Variants in KLHL14 observed in about 807,000 individuals in gnomAD.
KLHL14 encodes the protein kelch-like protein 14.
KLHL14 carries 22 observed loss-of-function variants against 64.3 expected under a neutral mutation model. The observed-to-expected ratio is 0.34, with a 90% CI of 0.24 to 0.49. The LOEUF is 0.49. Among genes scored for constraint, KLHL14 ranks in the 20% least tolerant of loss-of-function variants. KLHL14 has a pLI of 0.99. For missense variants in KLHL14, 661 were observed against 789.0 expected (o/e 0.84, Z 1.94); for synonymous variants, 322 against 333.4 (o/e 0.97, Z 0.37).
At chr18:32,735,552 C>T (rs971682227) in intron 3 of KLHL14, among the ~76,000 whole-genome samples, 2 of 152,086 alleles carry the variant, frequency 1.3e-5, no homozygotes, top group African/African-American at 4.8e-5. Context: ...GCAATCTTAT[C>T]TCACATCTTC....
rs776921458 is a variant in KLHL14 at position 32,687,227 on chromosome 18, T to G, written c.1166A>C (p.His389Pro). ...ATATCGGCTGACAAAATTTGTACTG[T>G]GTTTTCCTGTAAAAATGCATTCGAG... ...GEDQWNPNGK[H>P]STNFVSRYDP... The change falls in exon 5 of 9, where the codon CAC becomes CCC. Residue 389 changes from histidine to proline, a missense_variant. Coordinates refer to ENST00000359358, the MANE Select transcript of KLHL14 (RefSeq NM_020805.3). 6.2e-7 allele frequency: 1 copy of G among 1,612,940 alleles called. No homozygotes were observed. The highest frequency in any genetic ancestry group is 1.1e-5 in the South Asian group (1 of 91,048).
chr18:32,714,267 G>A (rs998198176), intron 3 of KLHL14, among the ~76,000 whole-genome samples: 18 of 152,152 alleles, frequency 1.2e-4, no homozygotes, highest in African/African-American at 4.3e-4. Flanking sequence ...AACTCCTTGT[G>A]TGTTAGCTCC....
At chr18:32,701,717 G>T (rs2049967075) in intron 3 of KLHL14, among the ~76,000 whole-genome samples, 2 of 152,178 alleles carry the variant, frequency 1.3e-5, no homozygotes, top group South Asian at 4.1e-4. Context: ...ATCAGGCAGA[G>T]GTTCCTTCTG....
chr18:32,755,265 C>A (rs1297090292), intron 2 of KLHL14, among the ~76,000 whole-genome samples: 2 of 152,120 alleles, frequency 1.3e-5, no homozygotes, highest in African/African-American at 4.8e-5. Flanking sequence ...TAAGACCCAC[C>A]CAATCAGCTA....
At chr18:32,750,373 G>A (rs1028300310) in intron 2 of KLHL14, among the ~76,000 whole-genome samples, 4 of 152,004 alleles carry the variant, frequency 2.6e-5, no homozygotes, top group Non-Finnish European at 4.4e-5. Flanking sequence ...AAGTGATAGC[G>A]ATTATTATTA....
chr18:32,729,688 A>T (rs2050127222), intron 3 of KLHL14, among the ~76,000 whole-genome samples: 1 of 152,224 alleles, frequency 6.6e-6, no homozygotes, highest in Non-Finnish European at 1.5e-5. Flanking sequence ...GAAATATGTC[A>T]TTGTCATAAT....
At chr18:32,767,702 G>GACCC (rs1302132960) in intron 2 of KLHL14, among the ~76,000 whole-genome samples, 3 of 152,194 alleles carry the variant, frequency 2.0e-5, no homozygotes, top group Non-Finnish European at 4.4e-5. Flanking sequence ...TTTGCATTTT[G>GACCC]AAAGTCAACT....
chr18:32,715,842 C>T (rs184240467), intron 3 of KLHL14, among the ~76,000 whole-genome samples: 36 of 152,254 alleles, frequency 2.4e-4, no homozygotes, highest in Admixed American at 1.0e-3. Context: ...TCTGTATAAT[C>T]ATCCTTTGTG....
At chr18:32,719,897 G>T (rs554865268) in intron 3 of KLHL14, among the ~76,000 whole-genome samples, 2 of 152,188 alleles carry the variant, frequency 1.3e-5, no homozygotes, top group Non-Finnish European at 2.9e-5. Context: ...TGCTCCCTTC[G>T]CAGCCTGTAC....
chr18:32,769,611 C>G (rs1331004781), intron 2 of KLHL14, 34 bp downstream of exon 2: 1 of 1,121,152 alleles, frequency 8.9e-7, no homozygotes, highest in East Asian at 2.7e-5. Flanking sequence ...GCTCTACCCC[C>G]CCCTCCCCCG....
chr18:32,680,193 C>T lies in KLHL14; in HGVS notation c.1564G>A (p.Ala522Thr). The change falls in exon 7 of 9, where the codon GCA becomes ACA. Residue 522 changes from alanine to threonine, a missense_variant. Around this residue, in one of 2 missense-constraint regions of KLHL14, gnomAD observed 330 missense variants for 450.0 expected, o/e 0.73. Coordinates refer to ENST00000359358, the MANE Select transcript of KLHL14 (RefSeq NM_020805.3). The surrounding 1 kb of genome is among the most constrained non-coding windows in gnomAD (Gnocchi z 4.8). Reference protein sequence around the residue: ...TLAVMNDRLYAIGGNHLKGFS... With the variant: ...TLAVMNDRLYTIGGNHLKGFS... ...CCTTTCAAATGATTTCCTCCAATTGCATACAAGCGATCATTCATTACAGCC... is the reference window on the plus strand; with the variant it reads ...CCTTTCAAATGATTTCCTCCAATTGTATACAAGCGATCATTCATTACAGCC... 4 of 1,613,660 alleles carry T rather than the reference C, an allele frequency of 2.5e-6. No individual in the cohort carries two copies. Among genetic ancestry groups the T allele is most frequent in the Non-Finnish European group, 3.4e-6 (4 of 1,179,760 alleles).
rs766661469 is a variant in KLHL14 at position 32,680,499 on chromosome 18, C to G, written c.1339G>C (p.Glu447Gln). ...GACACATAGCGCCATTCATTCGTTTCTAGGTTATAGCACTCCACGCTGGAC... is the reference window on the plus strand; with the variant it reads ...GACACATAGCGCCATTCATTCGTTTGTAGGTTATAGCACTCCACGCTGGAC... ...YLSSVECYNL[E>Q]TNEWRYVSSL... is the part of the protein sequence containing the mutation. The change falls in exon 6 of 9, where the codon GAA (glutamate) becomes CAA (glutamine). Residue 447 changes from glutamate to glutamine, a missense_variant. Glu to Gln is a conservative substitution (Grantham distance 29). Transcript: ENST00000359358. This position sits in a 1 kb window ranked among gnomAD's most constrained non-coding sequence, Gnocchi z 4.8. 1.9e-6 allele frequency: 3 copies of G among 1,613,954 alleles called. No individual in the cohort carries two copies. Among genetic ancestry groups the G allele is most frequent in the Non-Finnish European group, 2.5e-6 (3 of 1,179,896 alleles).
chr18:32,753,759 CA>C (rs1381117044), intron 2 of KLHL14, among the ~76,000 whole-genome samples: 1 of 152,228 alleles, frequency 6.6e-6, no homozygotes, highest in Non-Finnish European at 1.5e-5. Flanking sequence ...AGTTTATACT[CA>C]CTGCATTTCC....
intron 2 of KLHL14, among the ~76,000 whole-genome samples, chr18:32,753,862 T>C (rs1409435964): frequency 6.6e-6 from 1 of 152,214 alleles, no homozygotes; most frequent in Non-Finnish European, 1.5e-5. Context: ...TAATCCCTAA[T>C]TCTAATACCT....
At chr18:32,674,842 A>G (rs751460595) in intron 8 of KLHL14, 45 bp from the exon 9 acceptor site, 18 of 764,070 alleles carry the variant, frequency 2.4e-5, no homozygotes, top group South Asian at 2.3e-4. Flanking sequence ...AAGCTAGAGA[A>G]GTGCAATGGC....
At chr18:32,771,378 T>A (rs2050383767) in intron 1 of KLHL14, among the ~76,000 whole-genome samples, 1 of 152,124 alleles carries the variant, frequency 6.6e-6, no homozygotes, top group South Asian at 2.1e-4. Context: ...CCTTATCAAT[T>A]CGAGCTCATT....
At chr18:32,735,732 C>A (rs557661200) in intron 3 of KLHL14, among the ~76,000 whole-genome samples, 25 of 152,250 alleles carry the variant, frequency 1.6e-4, no homozygotes, top group African/African-American at 5.8e-4. Context: ...TTATATATTG[C>A]TACCTGGGAT....
At position 32,698,441 on chromosome 18, in the gene KLHL14, T is replaced by C. The variant is rs2049947118; in HGVS notation, c.1070-2889A>G. On this transcript the variant is annotated intron_variant, in intron 3 of 8. Transcript: ENST00000359358. The stretch of plus-strand genomic sequence containing the variant: ...CTAATTTTACAGCAACTGTGATCCA[T>C]CAGCCACTGTGAAAGTGACAGTGGA... Among the ~76,000 whole-genome samples, 2 of 152,166 alleles carry C rather than the reference T, an allele frequency of 1.3e-5. 1 individual carries two copies. The highest frequency in any genetic ancestry group is 4.1e-4 in the South Asian group (2 of 4,828).
At chr18:32,758,068 G>T (rs1426027325) in intron 2 of KLHL14, among the ~76,000 whole-genome samples, 2 of 151,988 alleles carry the variant, frequency 1.3e-5, no homozygotes, top group African/African-American at 4.8e-5. Context: ...AATGGCCAAA[G>T]AATTTGAATA....
Sources: gnomAD v4.1 joint callset for allele counts (sites outside exome capture counted in the v4.1 genomes callset) on GRCh38, gnomAD v4.1.1 for gene constraint, gnomAD v4.1.1 regional missense constraint, Gnocchi (gnomAD v3.1) non-coding constraint, MANE v1.5 for transcripts, NCBI Gene and HGNC (gene_info 2026-07-23, HGNC 2026-07-21) for gene names.